Variants in TRIM2 observed in about 807,000 individuals in gnomAD.
TRIM2 encodes the protein tripartite motif containing 2, also known as tripartite motif-containing protein 2.
TRIM2 carries 20 observed loss-of-function variants against 75.2 expected under a neutral mutation model. The observed-to-expected ratio is 0.27, with a 90% CI of 0.19 to 0.39. The LOEUF is 0.39. Among genes scored for constraint, TRIM2 ranks in the 10% least tolerant of loss-of-function variants. The pLI, the probability that TRIM2 is intolerant of heterozygous loss-of-function variation, is 1.00. For missense variants in TRIM2, 660 were observed against 990.8 expected, an observed-to-expected ratio of 0.67 and a Z score of 4.48; for synonymous variants, 373 against 388.3, an observed-to-expected ratio of 0.96 and a Z score of 0.46.
chr4:153,260,734 C>G (rs1052810594), intron 1 of TRIM2, among the ~76,000 whole-genome samples: 7 of 114,984 alleles, frequency 6.1e-5, no homozygotes, highest in South Asian at 2.9e-4. Flanking sequence ...ACATCATCAT[C>G]ATCATCATCA....
At chr4:153,301,832 A>G (rs1763985509) in intron 6 of TRIM2, among the ~76,000 whole-genome samples, 1 of 152,148 alleles carries the variant, frequency 6.6e-6, no homozygotes, top group Non-Finnish European at 1.5e-5. Flanking sequence ...TCTATTCTGT[A>G]CCAGTGGTCT....
rs1695442787 is a variant in TRIM2 at position 153,337,050 on chromosome 4, A to T, written c.*2084A>T. The stretch of plus-strand genomic sequence containing the variant: ...CAGTGATGGACAAAACAGGTAAAAA[A>T]TCGCTGCCCCCTCAGAGCTGACATT... On this transcript the variant is annotated 3_prime_UTR_variant, in exon 12 of 12. Transcript: ENST00000338700. The T allele has an allele frequency of 1.0e-6, 1 of 984,848 alleles. No homozygotes were observed. Among genetic ancestry groups the T allele is most frequent in the Non-Finnish European group, 1.2e-6 (1 of 829,420 alleles). The allele number at this position is 984,848 out of a possible 1,614,324, so 61.0% of individuals were successfully genotyped here.
At chr4:153,284,702 A>T (rs1760197524) in intron 3 of TRIM2, among the ~76,000 whole-genome samples, 1 of 152,126 alleles carries the variant, frequency 6.6e-6, no homozygotes. Context: ...AACAATGTGG[A>T]TCATATTTTC....
At chr4:153,207,848 C>T (rs2149698516) in intron 1 of TRIM2, among the ~76,000 whole-genome samples, 1 of 152,304 alleles carries the variant, frequency 6.6e-6, no homozygotes, top group South Asian at 2.1e-4. Context: ...TAGCTTCTGT[C>T]TATGACTTTA....
intron 6 of TRIM2, among the ~76,000 whole-genome samples, chr4:153,302,935 G>C (rs1178757154): frequency 6.6e-6 from 1 of 152,184 alleles, no homozygotes; most frequent in Non-Finnish European, 1.5e-5. Flanking sequence ...CATTTGAATA[G>C]GATAAGTTGT....
At chr4:153,264,770 C>G (rs17278162) in intron 1 of TRIM2, among the ~76,000 whole-genome samples, 12,856 of 152,166 alleles carry the variant, frequency 0.084, 705 homozygotes, top group Middle Eastern at 0.13. Context: ...TAGGAGTAGT[C>G]AAATGTTCTT....
intron 1 of TRIM2, among the ~76,000 whole-genome samples, chr4:153,243,032 A>G (rs1747066877): frequency 6.6e-6 from 1 of 152,224 alleles, no homozygotes; most frequent in Non-Finnish European, 1.5e-5. Flanking sequence ...TCATGGCTTT[A>G]AAACCACAGG....
At chr4:153,214,386 T>C (rs1054149340) in intron 1 of TRIM2, among the ~76,000 whole-genome samples, 2 of 152,212 alleles carry the variant, frequency 1.3e-5, no homozygotes, top group African/African-American at 4.8e-5. Flanking sequence ...GTCAAACTCT[T>C]TTCTGTCCAT....
rs561166956 is a variant in TRIM2 at position 153,244,435 on chromosome 4, CTT to C, written c.31-25897_31-25896del. Among the ~76,000 whole-genome samples, 528 of 86,722 alleles carry C rather than the reference CTT, an allele frequency of 6.1e-3. 55 individuals are homozygous for C. The highest frequency in any genetic ancestry group is 0.027 in the Admixed American group (206 of 7,494). 56.9% of individuals were successfully genotyped at this position (86,722 alleles called of 152,430 possible). A position where few individuals can be genotyped will look rare whatever the true frequency, so the allele number is the denominator to read the frequency against. On this transcript the variant is annotated intron_variant, in intron 1 of 11. Coordinates refer to ENST00000338700, the MANE Select transcript of TRIM2 (RefSeq NM_015271.5). ...TCTTCTTCTTCTTCTTCTTCTTCTT[CTT>C]TTAATTAGAGAGGAGGCCTCACTAT...
chr4:153,336,127 T>C lies in TRIM2; in HGVS notation c.*1161T>C, dbSNP rs1397529776. The C allele has an allele frequency of 3.1e-6, 3 of 974,582 alleles. No individual in the cohort carries two copies. The highest frequency in any genetic ancestry group is 2.3e-4 in the East Asian group (2 of 8,776). 60.4% of individuals were successfully genotyped at this position (974,582 alleles called of 1,614,324 possible). On this transcript the variant is annotated 3_prime_UTR_variant, in exon 12 of 12. Coordinates refer to ENST00000338700, the MANE Select transcript of TRIM2 (RefSeq NM_015271.5). ...TAAGATAGAATGTATTATATATATA[T>C]ATATATACACACACACATATATATA...
rs1772672147 is a variant in TRIM2 at position 153,338,187 on chromosome 4, G to C, written c.*3221G>C. 1 of 985,746 alleles carries C rather than the reference G, an allele frequency of 1.0e-6. No homozygotes were observed. Among genetic ancestry groups the C allele is most frequent in the African/African-American group, 1.7e-5 (1 of 57,230 alleles). The allele number at this position is 985,746 out of a possible 1,614,324, so 61.1% of individuals were successfully genotyped here. On this transcript the variant is annotated 3_prime_UTR_variant, in exon 12 of 12. Coordinates refer to ENST00000338700, the MANE Select transcript of TRIM2 (RefSeq NM_015271.5). ...TAACATGGAGTTAACTGGAATAGCA[G>C]TACACTAGCAAGTATCTGTGAATCC...
chr4:153,338,891 T>C lies in TRIM2; in HGVS notation c.*3925T>C, dbSNP rs561145404. ...TCATCAATGGAGTGTATTCTTGTAATAGAATTCTTTATATCGTTCTCAATT... is the reference window on the plus strand; with the variant it reads ...TCATCAATGGAGTGTATTCTTGTAACAGAATTCTTTATATCGTTCTCAATT... On this transcript the variant is annotated 3_prime_UTR_variant, in exon 12 of 12. Coordinates refer to ENST00000338700, the MANE Select transcript of TRIM2 (RefSeq NM_015271.5). The C allele has an allele frequency of 1.7e-5, 17 of 985,622 alleles. No individual in the cohort carries two copies. The Admixed American group carries it at 2.5e-4, about 14-fold the overall frequency. The allele number at this position is 985,622 out of a possible 1,614,324, so 61.1% of individuals were successfully genotyped here.
intron 6 of TRIM2, among the ~76,000 whole-genome samples, chr4:153,313,627 C>CTTTT (rs398051309): frequency 1.9e-4 from 19 of 98,524 alleles, no homozygotes; most frequent in African/African-American, 3.1e-4. Context: ...AGCAATGGCT[C>CTTTT]TTTTTTTTTT....
At chr4:153,322,617 G>C in intron 8 of TRIM2, 31 bp from the exon 9 acceptor site, 1 of 1,608,844 alleles carries the variant, frequency 6.2e-7, no homozygotes, top group Non-Finnish European at 8.5e-7. Context: ...ACTCTATACT[G>C]TACTTCTATT....
chr4:153,153,730 G>A (rs1728952037), intron 1 of TRIM2, among the ~76,000 whole-genome samples: 1 of 152,236 alleles, frequency 6.6e-6, no homozygotes, highest in African/African-American at 2.4e-5. Flanking sequence ...GTCCTGCAGG[G>A]ACACGGGCGT....
intron 1 of TRIM2, among the ~76,000 whole-genome samples, chr4:153,244,625 C>A (rs1239809858): frequency 6.6e-6 from 1 of 151,720 alleles, no homozygotes; most frequent in Non-Finnish European, 1.5e-5. Flanking sequence ...GAAAGCTTTG[C>A]ATTTCCTCTG....
At chr4:153,173,611 C>T (rs752007588) in intron 1 of TRIM2, among the ~76,000 whole-genome samples, 9 of 149,194 alleles carry the variant, frequency 6.0e-5, no homozygotes, top group Non-Finnish European at 8.9e-5. Context: ...TGCAGTGAGC[C>T]GAGATCGCGC....
chr4:153,184,139 T>C (rs1732353441), intron 1 of TRIM2, among the ~76,000 whole-genome samples: 1 of 152,048 alleles, frequency 6.6e-6, no homozygotes, highest in Non-Finnish European at 1.5e-5. Flanking sequence ...GGAGACAGGG[T>C]GTCTTAGTCT....
At chr4:153,308,576 G>A in intron 6 of TRIM2, 1 of 687,774 alleles carries the variant, frequency 1.5e-6, no homozygotes, top group South Asian at 1.4e-5. Flanking sequence ...GCATTGCTGT[G>A]GTTAGTCAAA....
Sources: gnomAD v4.1 joint callset for allele counts (sites outside exome capture counted in the v4.1 genomes callset) on GRCh38, gnomAD v4.1.1 for gene constraint, MANE v1.5 for transcripts, NCBI Gene and HGNC (gene_info 2026-07-23, HGNC 2026-07-21) for gene names.